NLGN4Y: variants seen among roughly 807,000 people sequenced by gnomAD.
NLGN4Y encodes the protein neuroligin 4 Y-linked.
Under a neutral mutation model 8.4 loss-of-function variants are expected in NLGN4Y, and 4 were observed. The ratio of observed to expected loss-of-function variants is 0.48; its 90% CI spans 0.23 to 1.09. The LOEUF (loss-of-function observed/expected upper bound fraction) is 1.09. Ranked by LOEUF, NLGN4Y falls within the 50% of genes least tolerant of loss-of-function variation. The pLI is 0.19. For missense variants in NLGN4Y, 90 were observed against 192.3 expected (o/e 0.47, Z 3.15); for synonymous variants, 35 against 75.6 (o/e 0.46, Z 2.78).
intron 2 of NLGN4Y, among the ~76,000 whole-genome samples, chrY:14,689,433 T>C (rs2080802290): frequency 3.1e-5 from 1 of 32,696 alleles, no homozygotes; most frequent in African/African-American, 1.2e-4. Context: ...CTTTATACAA[T>C]AATACAACAT....
At chrY:14,753,293 C>T in intron 4 of NLGN4Y, among the ~76,000 whole-genome samples, 3 of 30,147 alleles carry the variant, frequency 1.0e-4, no homozygotes, top group Non-Finnish European at 2.4e-4. Context: ...TGTGCACCAC[C>T]ACGCTCAACT....
intron 4 of NLGN4Y, among the ~76,000 whole-genome samples, chrY:14,757,678 G>T (rs751462619): frequency 2.0e-4 from 7 of 34,212 alleles, no homozygotes; most frequent in African/African-American, 7.9e-4. Context: ...ATGGGCTCAT[G>T]TGAATCTCTT....
At chrY:14,831,903 T>C (rs2150597765) in intron 6 of NLGN4Y, among the ~76,000 whole-genome samples, 1 of 33,369 alleles carries the variant, frequency 3.0e-5, no homozygotes, top group South Asian at 6.6e-4. Context: ...ACTGCCAATA[T>C]TCTACTGAGT....
At chrY:14,548,239 A>G in intron 1 of NLGN4Y, among the ~76,000 whole-genome samples, 5 of 32,729 alleles carry the variant, frequency 1.5e-4, no homozygotes, top group Non-Finnish European at 3.7e-4. Context: ...ACTTGAGTTC[A>G]GGAGTTGGAG....
At position 14,844,475 on chromosome Y, in the gene NLGN4Y, C is replaced by T; in HGVS notation, c.*3213C>T. 1 of 34,781 alleles carries T rather than the reference C, an allele frequency of 2.9e-5. No homozygotes were observed. 8.7% of individuals were successfully genotyped at this position (34,781 alleles called of 400,897 possible). A position where few individuals can be genotyped will look rare whatever the true frequency, so the allele number is the denominator to read the frequency against. Reference sequence around the variant, plus strand: ...TCACATTCACAGTAGCTCTAAGGGGCAGGCACCTGCATTACTCCCCTTTCA... The same window carrying T: ...TCACATTCACAGTAGCTCTAAGGGGTAGGCACCTGCATTACTCCCCTTTCA... On this transcript the variant is annotated 3_prime_UTR_variant, in exon 7 of 7. Transcript: ENST00000684976.
intron 4 of NLGN4Y, among the ~76,000 whole-genome samples, chrY:14,813,214 T>C: frequency 3.0e-5 from 1 of 33,030 alleles, no homozygotes; most frequent in Non-Finnish European, 7.4e-5. Context: ...TTCATGACAA[T>C]AAGCCCACAT....
Position 14,845,399 on chromosome Y carries a change from G to C in NLGN4Y, c.*4137G>C. ...TTTGTGCTCACATATACATTCCTCT[G>C]TGTGTGTGTGTGTATTACATTACTG... is the stretch of plus-strand genomic sequence containing the variant. On this transcript the variant is annotated 3_prime_UTR_variant, in exon 7 of 7. Coordinates refer to ENST00000684976, the MANE Select transcript of NLGN4Y (RefSeq NM_001365588.1). The C allele has an allele frequency of 3.1e-5, 1 of 32,172 alleles. No homozygotes were observed. Among genetic ancestry groups the C allele is most frequent in the Admixed American group, 2.9e-4 (1 of 3,476 alleles). 8.0% of individuals were successfully genotyped at this position (32,172 alleles called of 400,897 possible). A position where few individuals can be genotyped will look rare whatever the true frequency, so the allele number is the denominator to read the frequency against.
intron 2 of NLGN4Y, among the ~76,000 whole-genome samples, chrY:14,715,514 C>T (rs892209809): frequency 6.1e-5 from 2 of 32,935 alleles, no homozygotes. Context: ...AACCATCATT[C>T]TCAGCAAACT....
intron 2 of NLGN4Y, among the ~76,000 whole-genome samples, chrY:14,679,031 G>T (rs2080759580): frequency 3.1e-5 from 1 of 32,014 alleles, no homozygotes. Context: ...GCCCAGTATG[G>T]AGTCCAGTGG....
intron 2 of NLGN4Y, among the ~76,000 whole-genome samples, chrY:14,657,953 G>C (rs2080660119): frequency 3.0e-5 from 1 of 33,001 alleles, no homozygotes; most frequent in Non-Finnish European, 7.5e-5. Flanking sequence ...TTGAACTCCT[G>C]GCCTTAAACT....
chrY:14,783,755 CAT>C lies in NLGN4Y; in HGVS notation c.686-40432_686-40431del, dbSNP rs777354394. On this transcript the variant is annotated intron_variant, in intron 4 of 6. Coordinates refer to ENST00000684976, the MANE Select transcript of NLGN4Y (RefSeq NM_001365588.1). Reference sequence around the variant, plus strand: ...ATACCCACAAACATACACATACAAACATGTGTGCATAATATACATCTCACAGA... The same window carrying C: ...ATACCCACAAACATACACATACAAACGTGTGCATAATATACATCTCACAGA... Among the ~76,000 whole-genome samples, 78 of 33,755 alleles carry C rather than the reference CAT, an allele frequency of 2.3e-3. No individual in the cohort carries two copies. The East Asian group carries it at 0.058, about 25-fold the overall frequency. The allele number at this position is 33,755 out of a possible 37,273, so 90.6% of individuals were successfully genotyped here. A position where few individuals can be genotyped will look rare whatever the true frequency, so the allele number is the denominator to read the frequency against.
chrY:14,652,104 TA>T (rs2080632002), intron 2 of NLGN4Y, among the ~76,000 whole-genome samples: 1 of 33,123 alleles, frequency 3.0e-5, no homozygotes, highest in African/African-American at 1.2e-4. Context: ...TTGTATATTC[TA>T]AAAATAGCCA....
chrY:14,548,999 T>C, intron 1 of NLGN4Y, among the ~76,000 whole-genome samples: 1 of 32,577 alleles, frequency 3.1e-5, no homozygotes, highest in South Asian at 7.1e-4. Flanking sequence ...GCCTATACGT[T>C]CTGCCCTCAC....
chrY:14,646,562 G>A lies in NLGN4Y; in HGVS notation c.472+23971G>A. ...TGAAGACTTGGAGGTATGTTATCAGGCAGAACAGAGCTTCTAACTAAGAGC... is the reference window on the plus strand; with the variant it reads ...TGAAGACTTGGAGGTATGTTATCAGACAGAACAGAGCTTCTAACTAAGAGC... On this transcript the variant is annotated intron_variant, in intron 2 of 6. Coordinates refer to ENST00000684976, the MANE Select transcript of NLGN4Y (RefSeq NM_001365588.1). Among the ~76,000 whole-genome samples, 5 of 33,786 alleles carry A rather than the reference G, an allele frequency of 1.5e-4. No homozygotes were observed. In the South Asian group the frequency reaches 3.3e-3, roughly 22 times the overall value. 90.6% of individuals were successfully genotyped at this position (33,786 alleles called of 37,273 possible).
chrY:14,635,208 C>A (rs780230527), intron 2 of NLGN4Y, among the ~76,000 whole-genome samples: 1 of 33,658 alleles, frequency 3.0e-5, no homozygotes, highest in East Asian at 7.6e-4. Flanking sequence ...ATCTCCTAAT[C>A]CCAATGTATA....
chrY:14,669,084 GATA>G (rs2080701711), intron 2 of NLGN4Y, among the ~76,000 whole-genome samples: 7 of 33,240 alleles, frequency 2.1e-4, no homozygotes, highest in African/African-American at 8.2e-4. Flanking sequence ...TTCAAAATGT[GATA>G]ATAATGTTGA....
chrY:14,580,982 C>T, intron 1 of NLGN4Y, among the ~76,000 whole-genome samples: 2 of 29,386 alleles, frequency 6.8e-5, no homozygotes. Context: ...GTAGGAGGAT[C>T]ACTTGAGCCT....
chrY:14,629,576 C>A (rs776416068), intron 2 of NLGN4Y, among the ~76,000 whole-genome samples: 1 of 33,985 alleles, frequency 2.9e-5, no homozygotes, highest in East Asian at 7.8e-4. Flanking sequence ...AATCTTATGT[C>A]TGGTTCTTTG....
intron 2 of NLGN4Y, among the ~76,000 whole-genome samples, chrY:14,683,816 T>C: frequency 2.9e-5 from 1 of 33,899 alleles, no homozygotes; most frequent in African/African-American, 1.1e-4. Context: ...TAGTGATCAT[T>C]CCTCAAGCTC....
Sources: gnomAD v4.1 joint callset for allele counts (sites outside exome capture counted in the v4.1 genomes callset) on GRCh38, gnomAD v4.1.1 for gene constraint, MANE v1.5 for transcripts, NCBI Gene and HGNC (gene_info 2026-07-23, HGNC 2026-07-21) for gene names.